The following ASRGL1 variants were observed in gnomAD, a reference collection of about 807,000 sequenced individuals.
The protein encoded by ASRGL1 is isoaspartyl peptidase/L-asparaginase.
Under a neutral mutation model 22.4 loss-of-function variants are expected in ASRGL1, and 16 were observed. The observed-to-expected ratio is 0.71, with a 90% CI of 0.48 to 1.08. The LOEUF is 1.08. Ranked by LOEUF, ASRGL1 falls within the 50% of genes least tolerant of loss-of-function variation. ASRGL1 has a pLI of 0.00. For missense variants in ASRGL1, 412 were observed against 410.1 expected (o/e 1.00, Z -0.04); for synonymous variants, 165 against 159.3 (o/e 1.04, Z -0.27).
intron 4 of ASRGL1, among the ~76,000 whole-genome samples, chr11:62,386,560 A>C (rs892692610): frequency 5.4e-5 from 8 of 148,970 alleles, no homozygotes; most frequent in African/African-American, 1.9e-4. Context: ...GGTTTCAGGC[A>C]TCCACTGAGG....
chr11:62,386,873 C>T (rs1947224266), intron 4 of ASRGL1, among the ~76,000 whole-genome samples: 1 of 151,160 alleles, frequency 6.6e-6, no homozygotes, highest in Admixed American at 6.6e-5. Flanking sequence ...TACTGGAGGG[C>T]AGGTGGAGTG....
chr11:62,392,853 A>G lies in ASRGL1; in HGVS notation c.*569A>G, dbSNP rs946842757. On this transcript the variant is annotated 3_prime_UTR_variant, in exon 7 of 7. Transcript: ENST00000415229. ...TATGAGAGACTAAAGTGATTTTTCTAAGAAAGTTCAGCCCTTCTCTGACTT... is the reference window on the plus strand; with the variant it reads ...TATGAGAGACTAAAGTGATTTTTCTGAGAAAGTTCAGCCCTTCTCTGACTT... The G allele has an allele frequency of 6.4e-6, 1 of 155,762 alleles. No individual in the cohort carries two copies. Among genetic ancestry groups the G allele is most frequent in the African/African-American group, 2.4e-5 (1 of 41,480 alleles). The allele number at this position is 155,762 out of a possible 1,614,324, so 9.6% of individuals were successfully genotyped here.
At chr11:62,356,849 A>AG (rs1256849481) in intron 3 of ASRGL1, 138 bp from the exon 4 acceptor site, 1 of 1,148,350 alleles carries the variant, frequency 8.7e-7, no homozygotes. Context: ...TTCAGCATAC[A>AG]GAAAAGCAAA....
chr11:62,386,493 C>T (rs1419477546), intron 4 of ASRGL1, among the ~76,000 whole-genome samples: 13 of 67,682 alleles, frequency 1.9e-4, no homozygotes, highest in Non-Finnish European at 5.7e-4. Context: ...TATATATGTA[C>T]ATATATAGAT....
chr11:62,354,929 G>T (rs1183560771), intron 2 of ASRGL1, among the ~76,000 whole-genome samples: 1 of 152,006 alleles, frequency 6.6e-6, no homozygotes, highest in African/African-American at 2.4e-5. Context: ...GTCATGGAGT[G>T]CCAAGTCAGA....
rs76869673 is a variant in ASRGL1, at chr11:62,359,452, A to C, written c.491+2308A>C. 4.8e-3 allele frequency among the ~76,000 whole-genome samples: 729 copies of C among 152,300 alleles called. 9 individuals carry two copies. The highest frequency in any genetic ancestry group is 0.017 in the African/African-American group (706 of 41,564). On this transcript the variant is annotated intron_variant, in intron 4 of 6. Coordinates refer to ENST00000415229, the MANE Select transcript of ASRGL1 (RefSeq NM_001083926.2). ...CAAGAGCGAAACTTTGTCTCAAAAAAAAAAAGTGAAATTAATAATATATTT... is the reference window on the plus strand; with the variant it reads ...CAAGAGCGAAACTTTGTCTCAAAAACAAAAAGTGAAATTAATAATATATTT...
At chr11:62,367,100 A>G (rs1946629572) in intron 4 of ASRGL1, among the ~76,000 whole-genome samples, 1 of 151,986 alleles carries the variant, frequency 6.6e-6, no homozygotes, top group Non-Finnish European at 1.5e-5. Context: ...ACTACTTGGG[A>G]GGCTGAGGCG....
At chr11:62,345,682 C>T (rs944649174) in intron 2 of ASRGL1, among the ~76,000 whole-genome samples, 1 of 152,134 alleles carries the variant, frequency 6.6e-6, no homozygotes, top group Non-Finnish European at 1.5e-5. Flanking sequence ...TGATAATTTA[C>T]TATGATGGCT....
rs540231044 is a variant in ASRGL1, at chr11:62,368,621, C to CG, written c.491+11479dup. Among the ~76,000 whole-genome samples the CG allele has an allele frequency of 1.6e-4, 24 of 152,132 alleles. No individual in the cohort carries two copies. In the South Asian group the frequency reaches 4.2e-3, roughly 26 times the overall value. ...GCCCAGGGGACCGGCGCTCAGCGTA[C>CG]GGAGGACCCACTCTGGCACTGGTCT... On this transcript the variant is annotated intron_variant, in intron 4 of 6. Coordinates refer to ENST00000415229, the MANE Select transcript of ASRGL1 (RefSeq NM_001083926.2).
chr11:62,337,775 G>A (rs1223082405), intron 1 of ASRGL1, 115 bp from the exon 2 acceptor site: 11 of 511,886 alleles, frequency 2.1e-5, no homozygotes, highest in Non-Finnish European at 2.7e-5. Context: ...GGAGAGGAAC[G>A]CGGGAGGGCG....
At position 62,392,568 on chromosome 11, in the gene ASRGL1, CAAAA is replaced by C. The variant is rs5792257; in HGVS notation, c.*298_*301del. The C allele has an allele frequency of 2.3e-4, 66 of 288,328 alleles. No individual in the cohort carries two copies. Among genetic ancestry groups the C allele is most frequent in the Admixed American group, 3.4e-4 (7 of 20,316 alleles). The allele number at this position is 288,328 out of a possible 1,614,324, so 17.9% of individuals were successfully genotyped here. On this transcript the variant is annotated 3_prime_UTR_variant, in exon 7 of 7. Transcript: ENST00000415229. ...TGGGCAACAGAGCCAGGCCCTGTAT[CAAAA>C]AAAAAAAAAAAAAGAAAAGGGAAAA...
intron 2 of ASRGL1, among the ~76,000 whole-genome samples, chr11:62,346,982 A>C (rs933086868): frequency 2.6e-4 from 40 of 152,190 alleles, no homozygotes; most frequent in African/African-American, 8.7e-4. Flanking sequence ...AAAAAAAAAA[A>C]AGAAAAATAA....
At chr11:62,390,985 TC>T in intron 5 of ASRGL1, among the ~76,000 whole-genome samples, 1 of 152,324 alleles carries the variant, frequency 6.6e-6, no homozygotes, top group South Asian at 2.1e-4. Flanking sequence ...AAAGTAGCTT[TC>T]ACTCCAGACC....
the ASRGL1 span, among the ~76,000 whole-genome samples, chr11:62,400,813 G>A: frequency 6.6e-6 from 1 of 152,176 alleles, no homozygotes; most frequent in Non-Finnish European, 1.5e-5. Flanking sequence ...ACCAAGCTGG[G>A]TCACAACCAG....
intron 2 of ASRGL1, among the ~76,000 whole-genome samples, chr11:62,353,385 C>G (rs1946211172): frequency 6.7e-6 from 1 of 148,632 alleles, no homozygotes; most frequent in African/African-American, 2.5e-5. Context: ...TAGTCTGTCA[C>G]CCAGGCTGGA....
chr11:62,387,624 T>C (rs928315707), intron 4 of ASRGL1, among the ~76,000 whole-genome samples: 1 of 152,220 alleles, frequency 6.6e-6, no homozygotes, highest in South Asian at 2.1e-4. Flanking sequence ...TGATTGCCCC[T>C]CTGTCCTGCA....
chr11:62,381,363 G>A (rs952199310), intron 4 of ASRGL1, among the ~76,000 whole-genome samples: 2 of 152,082 alleles, frequency 1.3e-5, no homozygotes, highest in African/African-American at 2.4e-5. Context: ...TGCATTGACC[G>A]AGCCATTACA....
rs1947375946 is a variant in ASRGL1 at position 62,392,862 on chromosome 11, C to T, written c.*578C>T. The T allele has an allele frequency of 6.4e-6, 1 of 155,676 alleles. No individual in the cohort carries two copies. The highest frequency in any genetic ancestry group is 2.4e-5 in the African/African-American group (1 of 41,590). 9.6% of individuals were successfully genotyped at this position (155,676 alleles called of 1,614,324 possible). Reference sequence around the variant, plus strand: ...CTAAAGTGATTTTTCTAAGAAAGTTCAGCCCTTCTCTGACTTACCTGGACA... The same window carrying T: ...CTAAAGTGATTTTTCTAAGAAAGTTTAGCCCTTCTCTGACTTACCTGGACA... On this transcript the variant is annotated 3_prime_UTR_variant, in exon 7 of 7. Coordinates refer to ENST00000415229, the MANE Select transcript of ASRGL1 (RefSeq NM_001083926.2).
At chr11:62,348,660 G>T (rs539281366) in intron 2 of ASRGL1, among the ~76,000 whole-genome samples, 1 of 151,432 alleles carries the variant, frequency 6.6e-6, no homozygotes, top group African/African-American at 2.4e-5. Context: ...CCAAGATCGC[G>T]CCACTGCACT....
Sources: allele counts gnomAD v4.1 joint callset (sites outside exome capture counted in the v4.1 genomes callset), GRCh38; gene constraint gnomAD v4.1.1; transcripts MANE v1.5; gene names NCBI Gene and HGNC (gene_info 2026-07-23, HGNC 2026-07-21).